DCDC1: variants seen among roughly 807,000 people sequenced by gnomAD.
DCDC1 encodes the protein doublecortin domain containing 1.
Under a neutral mutation model 178.3 loss-of-function variants are expected in DCDC1, and 200 were observed. That is an observed-to-expected ratio of 1.12 (90% CI 1.00 to 1.26). The LOEUF is 1.26. Among genes scored for constraint, DCDC1 ranks in the 50% most tolerant of loss-of-function variants. DCDC1 has a pLI of 0.00. For synonymous variants in DCDC1, 690 were observed against 604.8 expected, an observed-to-expected ratio of 1.14 and a Z score of -2.07; for missense variants, 1,983 against 1,749.2, an observed-to-expected ratio of 1.13 and a Z score of -2.38.
Position 31,078,423 on chromosome 11 carries a change from T to C in DCDC1, c.2238-498A>G, listed in dbSNP as rs564794339. On this transcript the variant is annotated intron_variant, in intron 17 of 38. Transcript: ENST00000684477. ...TGAGTAAGAAAAAACTAAAATGTGA[T>C]GAAGCTAATTATGCCTAAATTAACT... Among the ~76,000 whole-genome samples, 23 of 152,314 alleles carry C rather than the reference T, an allele frequency of 1.5e-4. No homozygotes were observed. In the South Asian group the frequency reaches 4.3e-3, roughly 29 times the overall value.
chr11:31,036,793 A>G (rs1048611940), intron 20 of DCDC1, among the ~76,000 whole-genome samples: 20 of 152,232 alleles, frequency 1.3e-4, no homozygotes, highest in African/African-American at 4.8e-4. Context: ...TGATCTTAAA[A>G]TTAATAGTTA....
intron 34 of DCDC1, 45 bp downstream of exon 34, chr11:30,899,496 C>CA: frequency 7.8e-7 from 1 of 1,275,260 alleles, no homozygotes; most frequent in South Asian, 2.3e-5. Context: ...TTTGGGGCTA[C>CA]ATTTTGAATT....
At chr11:31,220,149 TG>T (rs1234144780) in intron 9 of DCDC1, among the ~76,000 whole-genome samples, 9 of 152,198 alleles carry the variant, frequency 5.9e-5, no homozygotes, top group African/African-American at 2.2e-4. Context: ...TTTATTTCTT[TG>T]ACACAAATGA....
At chr11:31,097,155 G>A (rs772995349) in intron 15 of DCDC1, among the ~76,000 whole-genome samples, 8 of 152,332 alleles carry the variant, frequency 5.3e-5, no homozygotes, top group Middle Eastern at 6.8e-3. Flanking sequence ...TGTAGAAGCA[G>A]TCAATGATAA....
At chr11:30,906,446 G>A (rs1316653119) in intron 30 of DCDC1, 94 bp downstream of exon 30, 2 of 1,257,156 alleles carry the variant, frequency 1.6e-6, no homozygotes, top group Non-Finnish European at 2.2e-6. Context: ...TTGGATGAGT[G>A]GAGATGAACT....
chr11:31,122,538 T>C (rs1437054348), intron 11 of DCDC1, among the ~76,000 whole-genome samples: 2 of 152,088 alleles, frequency 1.3e-5, no homozygotes, highest in Non-Finnish European at 2.9e-5. Context: ...AATTTGCAAA[T>C]AATAATAAAA....
intron 1 of DCDC1, among the ~76,000 whole-genome samples, chr11:31,336,001 T>C (rs1950255453): frequency 6.6e-6 from 1 of 152,252 alleles, no homozygotes; most frequent in East Asian, 1.9e-4. Flanking sequence ...GTTGACATTG[T>C]TCTAGGCACT....
chr11:30,884,704 A>C (rs1943010529), intron 36 of DCDC1, among the ~76,000 whole-genome samples: 1 of 152,046 alleles, frequency 6.6e-6, no homozygotes, highest in African/African-American at 2.4e-5. Flanking sequence ...CTTGTAAACA[A>C]AAAAACTATA....
chr11:31,312,811 C>CTTTA (rs1202660128), intron 3 of DCDC1: 1 of 152,084 alleles, frequency 6.6e-6, no homozygotes, highest in Non-Finnish European at 1.5e-5. Context: ...CCTCCATAAT[C>CTTTA]GGGTGAGCCA....
At chr11:31,136,124 A>G (rs1425336156) in intron 10 of DCDC1, among the ~76,000 whole-genome samples, 2 of 152,000 alleles carry the variant, frequency 1.3e-5, no homozygotes, top group Non-Finnish European at 2.9e-5. Context: ...ACTTCTTTGC[A>G]TTTCCCAAAG....
intron 20 of DCDC1, among the ~76,000 whole-genome samples, chr11:31,029,330 G>C (rs1161980410): frequency 1.3e-5 from 2 of 151,906 alleles, no homozygotes; most frequent in Non-Finnish European, 2.9e-5. Context: ...TTTTTTAATT[G>C]CCATTACACA....
chr11:30,936,666 A>AT (rs2134354547), intron 21 of DCDC1, among the ~76,000 whole-genome samples: 1 of 152,318 alleles, frequency 6.6e-6, no homozygotes, highest in Non-Finnish European at 1.5e-5. Flanking sequence ...AGTGGGCTCC[A>AT]GTAGAAACAC....
At chr11:31,102,578 A>C (rs1958582747) in intron 14 of DCDC1, among the ~76,000 whole-genome samples, 1 of 152,092 alleles carries the variant, frequency 6.6e-6, no homozygotes, top group African/African-American at 2.4e-5. Context: ...CTACTTCAGC[A>C]TTTTCAACTG....
At chr11:30,913,280 T>C (rs1334991715) in intron 27 of DCDC1, among the ~76,000 whole-genome samples, 3 of 151,684 alleles carry the variant, frequency 2.0e-5, no homozygotes, top group Non-Finnish European at 4.4e-5. Flanking sequence ...TGGTGGCGGG[T>C]GCCTGTAGTC....
At chr11:31,196,983 G>A (rs1452870160) in intron 9 of DCDC1, among the ~76,000 whole-genome samples, 1 of 151,976 alleles carries the variant, frequency 6.6e-6, no homozygotes, top group Non-Finnish European at 1.5e-5. Context: ...CAGGAACCTG[G>A]GACAAAGAGC....
At chr11:31,356,091 T>C (rs182081017) in intron 1 of DCDC1, among the ~76,000 whole-genome samples, 1 of 152,190 alleles carries the variant, frequency 6.6e-6, no homozygotes, top group African/African-American at 2.4e-5. Flanking sequence ...TTCCAGAATG[T>C]TTAGAGGAGA....
At chr11:30,888,162 G>GAAAAA (rs1565030599) in intron 36 of DCDC1, among the ~76,000 whole-genome samples, 1 of 121,206 alleles carries the variant, frequency 8.3e-6, no homozygotes, top group African/African-American at 3.5e-5. Context: ...AAGAAAGAAA[G>GAAAAA]GGAAAGAAAG....
At chr11:31,086,987 T>C (rs558528851) in intron 17 of DCDC1, among the ~76,000 whole-genome samples, 30 of 152,266 alleles carry the variant, frequency 2.0e-4, no homozygotes, top group South Asian at 1.2e-3. Context: ...GTTTGCAGAA[T>C]TTCCCAGTGA....
rs938579506 is a variant in DCDC1 at position 31,093,396 on chromosome 11, G to A, written c.2118+654C>T. Reference sequence around the variant, plus strand: ...TAGTAGCAAAATCATCTGTGATGACGGGACAAAGGGAGATACAGGAAAGAT... The same window carrying A: ...TAGTAGCAAAATCATCTGTGATGACAGGACAAAGGGAGATACAGGAAAGAT... On this transcript the variant is annotated intron_variant, in intron 16 of 38. Coordinates refer to ENST00000684477, the MANE Select transcript of DCDC1 (RefSeq NM_001387274.1). Among the ~76,000 whole-genome samples the A allele has an allele frequency of 2.0e-5, 3 of 152,090 alleles. No individual in the cohort carries two copies. In the South Asian group the frequency reaches 6.2e-4, roughly 32 times the overall value.
Sources: allele counts gnomAD v4.1 joint callset (sites outside exome capture counted in the v4.1 genomes callset), GRCh38; gene constraint gnomAD v4.1.1; transcripts MANE v1.5; gene names NCBI Gene and HGNC (gene_info 2026-07-23, HGNC 2026-07-21).